The following RTKN2 variants were observed in gnomAD, a reference collection of about 807,000 sequenced individuals.
RTKN2 encodes rhotekin-2.
A neutral mutation model predicts 71.5 loss-of-function variants in RTKN2; 69 were observed. The ratio of observed to expected loss-of-function variants is 0.96; its 90% CI spans 0.79 to 1.18. The LOEUF is 1.18. Ranked by LOEUF, RTKN2 falls within the 50% of genes most tolerant of loss-of-function variation. The probability of loss-of-function intolerance (pLI) is 0.00; values close to 1 mark genes in which losing one functional copy is unlikely to be tolerated. For missense variants in RTKN2, 724 were observed against 719.7 expected, an observed-to-expected ratio of 1.01 and a Z score of -0.07; for synonymous variants, 236 against 236.5, an observed-to-expected ratio of 1.00 and a Z score of 0.02.
At chr10:62,191,538 T>C (rs1841223656), downstream of RTKN2, among the ~76,000 whole-genome samples, 2 of 152,194 alleles carry the variant, frequency 1.3e-5, no homozygotes. Context: ...CACAGTGTTT[T>C]ATGTATTTTT....
chr10:62,229,200 T>A (rs1270393067), intron 6 of RTKN2, among the ~76,000 whole-genome samples: 20 of 152,110 alleles, frequency 1.3e-4, no homozygotes. Context: ...GATAAAACAG[T>A]AAATTATGTA....
intron 6 of RTKN2, among the ~76,000 whole-genome samples, chr10:62,225,524 CT>C (rs1371798548): frequency 6.6e-6 from 1 of 152,204 alleles, no homozygotes; most frequent in Admixed American, 6.5e-5. Context: ...TAGCATCCAA[CT>C]TTTTTTATTT....
At chr10:62,247,654 C>T (rs1186930086) in intron 2 of RTKN2, among the ~76,000 whole-genome samples, 1 of 151,864 alleles carries the variant, frequency 6.6e-6, no homozygotes, top group Non-Finnish European at 1.5e-5. Context: ...TACTTCCTCA[C>T]AGAATAAAAA....
intron 9 of RTKN2, among the ~76,000 whole-genome samples, chr10:62,208,559 C>G (rs1314913558): frequency 6.6e-6 from 1 of 152,034 alleles, no homozygotes; most frequent in Non-Finnish European, 1.5e-5. Flanking sequence ...GTATTTAAAT[C>G]CAAAAATTCA....
Position 62,195,514 on chromosome 10 carries a change from A to C in RTKN2, c.*2394T>G. 3 of 783,412 alleles carry C rather than the reference A, an allele frequency of 3.8e-6. No homozygotes were observed. The highest frequency in any genetic ancestry group is 4.6e-6 in the Non-Finnish European group (3 of 645,760). 48.5% of individuals were successfully genotyped at this position (783,412 alleles called of 1,614,324 possible). ...AGAAGGAAAGTGGGAAAAGGGGATG[A>C]GACAGAGAGAGAGGACAGGGGGCCA... On this transcript the variant is annotated 3_prime_UTR_variant, in exon 12 of 12. Transcript: ENST00000373789.
At position 62,262,758 on chromosome 10, in the gene RTKN2, G is replaced by T; in HGVS notation, c.124C>A (p.Leu42Ile). ...TGATCTTTCTGAGTGCTCAGAGAAA[G>T]GAGTTTCCATATTCCTTCTCGCATT... ...IRMREGIWKL[L>I]SLSTQKDQVL... The change falls in exon 2 of 12, where the codon CTT becomes ATT. Residue 42 changes from leucine (L) to isoleucine (I), a missense_variant. Leu to Ile is a conservative substitution (Grantham distance 5). Transcript: ENST00000373789. The T allele has an allele frequency of 6.2e-7, 1 of 1,613,428 alleles. No individual in the cohort carries two copies. Among genetic ancestry groups the T allele is most frequent in the Non-Finnish European group, 8.5e-7 (1 of 1,179,640 alleles).
chr10:62,261,590 G>T, intron 2 of RTKN2, among the ~76,000 whole-genome samples: 1 of 152,172 alleles, frequency 6.6e-6, no homozygotes, highest in East Asian at 1.9e-4. Flanking sequence ...GGCAGAGGTT[G>T]CAGTGAGCTG....
At chr10:62,185,753 T>G (rs1372409381) in intron 8 of RTKN2, among the ~76,000 whole-genome samples, 4 of 152,204 alleles carry the variant, frequency 2.6e-5, no homozygotes, top group Non-Finnish European at 5.9e-5. Context: ...ATGGCACAGT[T>G]ACATGTGACT....
At chr10:62,211,513 T>C (rs7092870) in intron 9 of RTKN2, among the ~76,000 whole-genome samples, 115,531 of 152,136 alleles carry the variant, frequency 0.76, 43,961 homozygotes, top group East Asian at 0.9. Flanking sequence ...TCAAATAATT[T>C]TTAAGTAGCA....
chr10:62,239,664 CA>C lies in RTKN2; in HGVS notation c.471del (p.Phe157LeufsTer4). 6.9e-7 allele frequency: 1 copy of C among 1,458,346 alleles called. No individual in the cohort carries two copies. Among genetic ancestry groups the C allele is most frequent in the South Asian group, 1.3e-5 (1 of 77,980 alleles). 90.3% of individuals were successfully genotyped at this position (1,458,346 alleles called of 1,614,324 possible). On this transcript the variant is annotated frameshift_variant, in exon 5 of 12. Coordinates refer to ENST00000373789, the MANE Select transcript of RTKN2 (RefSeq NM_145307.4). LOFTEE classifies it high-confidence loss of function. ...AATACTTACAATATGGTTACATTTT[CA>C]AAACATATATCTGTGATTGTTTTAT... is the stretch of plus-strand genomic sequence containing the variant. ...NVDKTITDICFENVTIFNEAG... is the reference protein window; with the variant it reads ...NVDKTITDICXENVTIFNEAG...
intron 8 of RTKN2, among the ~76,000 whole-genome samples, chr10:62,217,610 A>T (rs965634198): frequency 1.3e-5 from 2 of 152,228 alleles, no homozygotes; most frequent in African/African-American, 4.8e-5. Flanking sequence ...TATAAAAACA[A>T]TTCTGTATGT....
intron 3 of RTKN2, among the ~76,000 whole-genome samples, chr10:62,243,385 C>T (rs542645890): frequency 6.6e-6 from 1 of 152,134 alleles, no homozygotes; most frequent in Non-Finnish European, 1.5e-5. Flanking sequence ...AAAAAGTCCA[C>T]TTCTTCTTGC....
intron 6 of RTKN2, among the ~76,000 whole-genome samples, chr10:62,231,492 T>TGGAA (rs1842147152): frequency 6.6e-6 from 1 of 152,228 alleles, no homozygotes; most frequent in Non-Finnish European, 1.5e-5. Context: ...CTAACTACAA[T>TGGAA]GCCAGTGCTT....
rs570608570 is a variant in RTKN2 at position 62,246,032 on chromosome 10, G to T, written c.283C>A (p.Arg95=). ...GCAATCTTTCCTTTACATGCTGTTC[G>T]TTCTTTACTTTCAAATTTCACATCA... is the stretch of plus-strand genomic sequence containing the variant. ...RCDVKFESKE[R]TACKGKIAIS... is the part of the protein sequence containing the mutation. The change falls in exon 3 of 12, where the codon CGA becomes AGA. Residue 95 remains arginine (R), a synonymous_variant. Coordinates refer to ENST00000373789, the MANE Select transcript of RTKN2 (RefSeq NM_145307.4). 1 of 1,594,538 alleles carries T rather than the reference G, an allele frequency of 6.3e-7. No individual in the cohort carries two copies. The highest frequency in any genetic ancestry group is 1.8e-5 in the Admixed American group (1 of 56,534).
chr10:62,208,834 T>A (rs1841600109), intron 9 of RTKN2, among the ~76,000 whole-genome samples: 1 of 152,058 alleles, frequency 6.6e-6, no homozygotes, highest in Admixed American at 6.6e-5. Flanking sequence ...AAATAAAGGA[T>A]CTAAAACAAT....
intron 1 of RTKN2, among the ~76,000 whole-genome samples, chr10:62,265,689 T>C (rs1370998841): frequency 6.6e-6 from 1 of 152,062 alleles, no homozygotes; most frequent in Non-Finnish European, 1.5e-5. Flanking sequence ...GGTTAAGCAG[T>C]GCTAGCTCTA....
At chr10:62,227,590 C>A (rs543374952) in intron 6 of RTKN2, among the ~76,000 whole-genome samples, 1 of 152,190 alleles carries the variant, frequency 6.6e-6, no homozygotes, top group South Asian at 2.1e-4. Context: ...CCTGGTGGGG[C>A]ACGGTAAGGA....
intron 9 of RTKN2, among the ~76,000 whole-genome samples, chr10:62,212,804 T>G (rs952697067): frequency 1.3e-5 from 2 of 152,196 alleles, no homozygotes; most frequent in Admixed American, 6.5e-5. Context: ...TACATTAGAT[T>G]TAAAAACCAA....
intron 2 of RTKN2, among the ~76,000 whole-genome samples, chr10:62,256,067 G>C (rs1312197204): frequency 6.7e-6 from 1 of 149,516 alleles, no homozygotes; most frequent in African/African-American, 2.5e-5. Context: ...CGCCCAGGCT[G>C]GAGTGCAGTG....
Sources: gnomAD v4.1 joint callset for allele counts (sites outside exome capture counted in the v4.1 genomes callset) on GRCh38, gnomAD v4.1.1 for gene constraint, MANE v1.5 for transcripts, NCBI Gene and HGNC (gene_info 2026-07-23, HGNC 2026-07-21) for gene names.